The following MAPDA variants were observed in gnomAD, a reference collection of about 807,000 sequenced individuals.
MAPDA encodes the protein N6-Methyl-AMP deaminase, also known as N6,N6-dimethyl-AMP deaminase.
chr15:43,348,952 CCTG>C, the MAPDA span: 68 of 1,614,076 alleles, frequency 4.2e-5, no homozygotes, highest in Non-Finnish European at 5.3e-5. Context: ...GGATCTGCTT[CCTG>C]ACAGAATCGG....
chr15:43,352,069 A>T, the MAPDA span: 1 of 926,680 alleles, frequency 1.1e-6, no homozygotes, highest in Non-Finnish European at 1.6e-6. Context: ...CTCTATCACC[A>T]GCACCTTACA....
At chr15:43,349,113 G>A in the MAPDA span, 1 of 1,609,672 alleles carries the variant, frequency 6.2e-7, no homozygotes, top group African/African-American at 1.3e-5. Flanking sequence ...GGTTGCCTGG[G>A]GATTACAGAG....
the MAPDA span, among the ~76,000 whole-genome samples, chr15:43,341,840 T>A: frequency 6.6e-6 from 1 of 152,272 alleles, no homozygotes; most frequent in Admixed American, 6.5e-5. Context: ...GGGTTATTTT[T>A]ATTTATTTAT....
At chr15:43,346,992 C>T in the MAPDA span, 2 of 1,597,820 alleles carry the variant, frequency 1.3e-6, no homozygotes, top group Admixed American at 1.7e-5. Context: ...CTCATGCATC[C>T]TTATTTTAAC....
the MAPDA span, chr15:43,351,563 T>G: frequency 1.0e-5 from 6 of 581,098 alleles, no homozygotes; most frequent in African/African-American, 1.1e-4. Flanking sequence ...GAAACACTGC[T>G]CTGGTATCTT....
the MAPDA span, among the ~76,000 whole-genome samples, chr15:43,349,830 C>T: frequency 6.6e-6 from 1 of 152,122 alleles, no homozygotes; most frequent in East Asian, 1.9e-4. Context: ...TTTTAAATAT[C>T]CACAAAAGTG....
the MAPDA span, chr15:43,351,168 G>T: frequency 5.5e-6 from 5 of 904,428 alleles, no homozygotes; most frequent in South Asian, 1.6e-5. Flanking sequence ...AGTTAGAAGG[G>T]ACCGGGGTGT....
the MAPDA span, among the ~76,000 whole-genome samples, chr15:43,350,203 C>A: frequency 1.7e-4 from 26 of 151,574 alleles, no homozygotes; most frequent in African/African-American, 6.3e-4. Flanking sequence ...GTAGCTGGGA[C>A]AACAGGCGCC....
chr15:43,331,792 C>G, the MAPDA span: 1 of 152,168 alleles, frequency 6.6e-6, no homozygotes, highest in Non-Finnish European at 1.5e-5. Context: ...AGGAGGTATC[C>G]AGTCTAAATT....
chr15:43,347,888 G>A, the MAPDA span, among the ~76,000 whole-genome samples: 21 of 152,186 alleles, frequency 1.4e-4, no homozygotes, highest in African/African-American at 5.1e-4. Flanking sequence ...TCTAGTGGCA[G>A]GACTTAAAAT....
chr15:43,343,486 G>T, the MAPDA span, among the ~76,000 whole-genome samples: 2 of 152,110 alleles, frequency 1.3e-5, no homozygotes, highest in Non-Finnish European at 2.9e-5. Context: ...GTATTCCCCA[G>T]AACACATTTC....
chr15:43,335,343 C>G, the MAPDA span, among the ~76,000 whole-genome samples: 1 of 152,136 alleles, frequency 6.6e-6, no homozygotes, highest in Non-Finnish European at 1.5e-5. Flanking sequence ...TGAGACTAGA[C>G]TGGCCAACAT....
the MAPDA span, chr15:43,330,598 G>GACTTCCCCTTCCGCCGGC: frequency 7.8e-7 from 1 of 1,284,292 alleles, no homozygotes. Context: ...CATGCTCCTG[G>GACTTCCCCTTCCGCCGGC]ACTTCCCCTT....
the MAPDA span, among the ~76,000 whole-genome samples, chr15:43,350,737 G>T: frequency 6.6e-6 from 1 of 152,148 alleles, no homozygotes. Context: ...TACCTCTGTT[G>T]CCATAAGTTG....
the MAPDA span, chr15:43,335,975 T>C: frequency 2.1e-6 from 2 of 953,472 alleles, no homozygotes; most frequent in Non-Finnish European, 1.5e-6. Context: ...AACATTTTTT[T>C]CCAGCTGTTA....
At chr15:43,330,770 T>A in the MAPDA span, 2 of 360,288 alleles carry the variant, frequency 5.6e-6, no homozygotes, top group African/African-American at 4.2e-5. Flanking sequence ...GACATGAGTG[T>A]TAGGGAAGGC....
the MAPDA span, chr15:43,351,073 T>C: frequency 6.5e-7 from 1 of 1,533,942 alleles, no homozygotes; most frequent in African/African-American, 1.4e-5. Context: ...ATTTTGCTCC[T>C]TTTTGCTCCC....
At chr15:43,336,843 A>G in the MAPDA span, among the ~76,000 whole-genome samples, 1 of 152,218 alleles carries the variant, frequency 6.6e-6, no homozygotes, top group African/African-American at 2.4e-5. Flanking sequence ...TCATTTGCCT[A>G]AGAGCTAGTA....
chr15:43,347,744 T>G, the MAPDA span, among the ~76,000 whole-genome samples: 2 of 152,236 alleles, frequency 1.3e-5, no homozygotes, highest in Admixed American at 1.3e-4. Flanking sequence ...CTTAGTCTAC[T>G]TACCTCACAG....
Sources: gnomAD v4.1 joint callset for allele counts (sites outside exome capture counted in the v4.1 genomes callset) on GRCh38, gnomAD v4.1.1 for gene constraint, MANE v1.5 for transcripts, NCBI Gene and HGNC (gene_info 2026-07-23, HGNC 2026-07-21) for gene names.